Variants in PLEC observed in about 807,000 individuals in gnomAD.
The protein encoded by PLEC is plectin.
PLEC carries 216 observed loss-of-function variants against 392.8 expected under a neutral mutation model. The ratio of observed to expected loss-of-function variants is 0.55; its 90% CI spans 0.49 to 0.62. PLEC has a LOEUF of 0.62. Among genes scored for constraint, PLEC ranks in the 20% least tolerant of loss-of-function variants. The pLI is 0.00. For synonymous variants in PLEC, 3,621 were observed against 2,980.6 expected (o/e 1.21, Z -7.00); for missense variants, 6,863 against 6,563.4 (o/e 1.05, Z -1.58).
At chr8:143,955,437 C>A (rs568591157), upstream of PLEC, among the ~76,000 whole-genome samples, 1 of 152,296 alleles carries the variant, frequency 6.6e-6, no homozygotes, top group Non-Finnish European at 1.5e-5. Context: ...GCCGAGATCG[C>A]GCCACTGCTG....
upstream of PLEC, among the ~76,000 whole-genome samples, chr8:143,974,302 A>G (rs2132999442): frequency 6.6e-6 from 1 of 152,350 alleles, no homozygotes; most frequent in African/African-American, 2.4e-5. The surrounding 1 kb of genome is among the most constrained non-coding windows in gnomAD (Gnocchi z 5.9). Flanking sequence ...ACTCCTCCAC[A>G]ACTGTAAAGG....
chr8:143,930,118 C>T, intron 21 of PLEC, 26 bp downstream of exon 21: 4 of 1,594,522 alleles, frequency 2.5e-6, no homozygotes, highest in Non-Finnish European at 3.4e-6. Flanking sequence ...CTTCCAGCCC[C>T]CACCTGCTGA....
upstream of PLEC, among the ~76,000 whole-genome samples, chr8:143,941,359 CCT>C (rs1192550999): frequency 2.0e-5 from 3 of 151,760 alleles, no homozygotes; most frequent in Non-Finnish European, 4.4e-5. Context: ...CAGCCAGGCC[CCT>C]GTTCCAGCCT....
chr8:143,952,221 C>T (rs1285476352), upstream of PLEC, among the ~76,000 whole-genome samples: 1 of 74,356 alleles, frequency 1.3e-5, no homozygotes, highest in Non-Finnish European at 3.5e-5. Context: ...CGCGCACACA[C>T]GCACGCGCAC....
In PLEC at chr8:143,932,880, G is replaced by T; in HGVS notation, c.1650C>A (p.Ser550Arg). The change falls in exon 14 of 32, where the codon AGC becomes AGA. Residue 550 changes from serine to arginine, a missense_variant. Ser to Arg is a moderately radical substitution (Grantham distance 110, BLOSUM62 -1). Transcript: ENST00000345136. ...GGTGGCTGCCCAGCTGCGCCTCCAC[G>T]CTGGGCAGGTCCACACCCCACTCAG... ...DGAEWGVDLP[S>R]VEAQLGSHRG... The T allele has an allele frequency of 1.2e-6, 2 of 1,612,408 alleles. No homozygotes were observed. Among genetic ancestry groups the T allele is most frequent in the Non-Finnish European group, 1.7e-6 (2 of 1,179,848 alleles).
At chr8:143,944,071 T>C, upstream of PLEC, 1 of 821,032 alleles carries the variant, frequency 1.2e-6, no homozygotes, top group South Asian at 1.8e-5. Flanking sequence ...GCCCGCCTCC[T>C]CTCCTCCTCC....
chr8:143,919,722 C>G lies in PLEC; in HGVS notation c.10099G>C (p.Glu3367Gln), dbSNP rs782044067. ...LAGIYLEDTKEKVSIYEAMRR... is the reference protein window; with the variant it reads ...LAGIYLEDTKQKVSIYEAMRR... ...ATGGCCTCGTAGATGGACACCTTCT[C>G]CTTGGTGTCCTCCAGGTAGATGCCG... Residue 3367 changes from glutamate to glutamine, a missense_variant, in exon 32 of 32, where the codon GAG (glutamate) becomes CAG (glutamine). By Grantham distance (29) the Glu-to-Gln change is conservative. Transcript: ENST00000345136. 3.1e-6 allele frequency: 5 copies of G among 1,606,608 alleles called. No homozygotes were observed. Among genetic ancestry groups the G allele is most frequent in the Admixed American group, 1.7e-5 (1 of 59,850 alleles).
Position 143,933,040 on chromosome 8 carries a change from G to T in PLEC, c.1490C>A (p.Ala497Glu). ...CTGGGCCACCTGGGTTGCAGGGGCCGCCACGCCTGCCTTCAGCCGTAGGTT... is the reference window on the plus strand; with the variant it reads ...CTGGGCCACCTGGGTTGCAGGGGCCTCCACGCCTGCCTTCAGCCGTAGGTT... The part of the protein sequence containing the change: ...EYNLRLKAGV[A>E]APATQVAQVT... Residue 497 changes from alanine to glutamate, a missense_variant, in exon 14 of 32, where the codon GCG becomes GAG. By Grantham distance (107) the Ala-to-Glu change is moderately radical (BLOSUM62 -1). Transcript: ENST00000345136. The T allele has an allele frequency of 1.3e-6, 2 of 1,594,070 alleles. No individual in the cohort carries two copies. The highest frequency in any genetic ancestry group is 8.5e-7 in the Non-Finnish European group (1 of 1,171,870).
chr8:143,934,223 T>G (rs1009293630), intron 11 of PLEC, 95 bp downstream of exon 11: 1 of 1,589,712 alleles, frequency 6.3e-7, no homozygotes, highest in Admixed American at 1.7e-5. Context: ...GGAGCTTGGG[T>G]TCCCCCGCCG....
At chr8:143,946,604 A>C (rs1272806281) in intron 1 of PLEC, 2 of 323,640 alleles carry the variant, frequency 6.2e-6, no homozygotes, top group Non-Finnish European at 1.2e-5. Flanking sequence ...GGTGCAGGGG[A>C]CTGGCCTGCC....
upstream of PLEC, among the ~76,000 whole-genome samples, chr8:143,952,181 A>AAC (rs66992958): frequency 0.018 from 2,527 of 140,300 alleles, 32 homozygotes; most frequent in African/African-American, 0.042. Context: ...GCAGGCTCCA[A>AAC]ACACACACAC....
Position 143,935,327 on chromosome 8 carries a change from G to A in PLEC, c.603-14C>T. 1 of 1,589,054 alleles carries A rather than the reference G, an allele frequency of 6.3e-7. No homozygotes were observed. The highest frequency in any genetic ancestry group is 1.1e-5 in the South Asian group (1 of 90,518). Reference sequence around the variant, plus strand: ...ATGAGCAGGGGCCTGGGACAAGCAGGTGGCTGGTCAGGTGGGTGGGACAAG... The same window carrying A: ...ATGAGCAGGGGCCTGGGACAAGCAGATGGCTGGTCAGGTGGGTGGGACAAG... On this transcript the variant is annotated splice_polypyrimidine_tract_variant and intron_variant, in intron 6 of 31. Transcript: ENST00000345136.
chr8:143,952,960 G>A (rs1410182562), upstream of PLEC, among the ~76,000 whole-genome samples: 1 of 150,360 alleles, frequency 6.7e-6, no homozygotes, highest in Non-Finnish European at 1.5e-5. Context: ...CACCCTGCCA[G>A]CTCCGCACAC....
rs1190132489 is a variant in PLEC, at chr8:143,963,809, AT to A, written c.70+9593del. ...AGCCATGTGCCACCACACCTGGCTA[AT>A]TTTTTTTTTTTTTTTTTTTTGAGAT... On this transcript the variant is annotated intron_variant, in intron 1 of 31. Transcript: ENST00000356346. 6.8e-3 allele frequency among the ~76,000 whole-genome samples: 814 copies of A among 119,908 alleles called. 3 individuals are homozygous for A. The highest frequency in any genetic ancestry group is 0.02 in the African/African-American group (638 of 31,710). The allele number at this position is 119,908 out of a possible 152,430, so 78.7% of individuals were successfully genotyped here.
At chr8:143,951,813 G>A (rs1832174595), upstream of PLEC, among the ~76,000 whole-genome samples, 1 of 152,148 alleles carries the variant, frequency 6.6e-6, no homozygotes, top group Non-Finnish European at 1.5e-5. Flanking sequence ...GAAGGGAAGA[G>A]GAAACTGCCC....
rs782199931 is a variant in PLEC at position 143,918,943 on chromosome 8, A to G, written c.10878T>C (p.Ile3626=). Residue 3626 remains isoleucine, a synonymous_variant, in exon 32 of 32, where the codon ATT becomes ATC. Coordinates refer to ENST00000345136, the MANE Select transcript of PLEC (RefSeq NM_201384.3). The part of the protein sequence containing the change: ...ERMIIIIIEI[I]EKTEIIRQQG... The stretch of plus-strand genomic sequence containing the variant: ...GCTGGCGGATGATCTCTGTCTTCTC[A>G]ATGATCTCGATGATGATGATGATCA... The G allele has an allele frequency of 2.9e-5, 46 of 1,610,718 alleles. No individual in the cohort carries two copies. Among genetic ancestry groups the G allele is most frequent in the Non-Finnish European group, 3.6e-5 (43 of 1,179,988 alleles).
chr8:143,932,593 G>T (rs200846706), intron 15 of PLEC, 32 bp from the exon 16 acceptor site: 11 of 1,612,046 alleles, frequency 6.8e-6, no homozygotes, highest in Non-Finnish European at 8.5e-6. Context: ...TCAGCAGGCC[G>T]CGGGCTACCC....
At position 143,969,199 on chromosome 8, in the gene PLEC, C is replaced by T. The variant is rs562459039; in HGVS notation, c.70+4204G>A. On this transcript the variant is annotated intron_variant, in intron 1 of 31. Transcript: ENST00000356346. This position sits in a 1 kb window ranked among gnomAD's most constrained non-coding sequence, Gnocchi z 5.1. ...CGGGGGGAGGGTGAGGTGCTGATGG[C>T]GCGGCGATGTGAGCAGCCCTGACAG... is the stretch of plus-strand genomic sequence containing the variant. 9.4e-4 allele frequency among the ~76,000 whole-genome samples: 143 copies of T among 152,280 alleles called. No homozygotes were observed. The highest frequency in any genetic ancestry group is 3.2e-3 in the African/African-American group (134 of 41,558).
Position 143,930,016 on chromosome 8 carries a change from G to T in PLEC, c.2659C>A (p.His887Asn), listed in dbSNP as rs1554712608. 3.1e-6 allele frequency: 5 copies of T among 1,612,208 alleles called. No homozygotes were observed. In the South Asian group the frequency reaches 3.3e-5, roughly 11 times the overall value. The change falls in exon 22 of 32, where the codon CAC becomes AAC. Residue 887 changes from histidine to asparagine, a missense_variant. Coordinates refer to ENST00000345136, the MANE Select transcript of PLEC (RefSeq NM_201384.3). ...QALVTLWHQL[H>N]VDMKSLLAWQ... is the part of the protein sequence containing the mutation. ...GCCAGAAGGCTCTTCATGTCCACGT[G>T]CAACTGGTGCCACAGCGTGACCAGG... is the stretch of plus-strand genomic sequence containing the variant.
Sources: allele counts gnomAD v4.1 joint callset (sites outside exome capture counted in the v4.1 genomes callset), GRCh38; gene constraint gnomAD v4.1.1; non-coding constraint Gnocchi (gnomAD v3.1); transcripts MANE v1.5; gene names NCBI Gene and HGNC (gene_info 2026-07-23, HGNC 2026-07-21).